The following CADM2 variants were observed in gnomAD, a reference collection of about 807,000 sequenced individuals.
CADM2 encodes cell adhesion molecule 2.
Under a neutral mutation model 49.8 loss-of-function variants are expected in CADM2, and 12 were observed. The observed-to-expected ratio is 0.24, with a 90% CI of 0.15 to 0.39. The LOEUF (loss-of-function observed/expected upper bound fraction) is 0.39. CADM2 is among the 10% of genes least tolerant of loss of function. The pLI is 1.00. For missense variants in CADM2, 378 were observed against 492.3 expected, an observed-to-expected ratio of 0.77 and a Z score of 2.20; for synonymous variants, 214 against 175.4, an observed-to-expected ratio of 1.22 and a Z score of -1.74.
intron 1 of CADM2, among the ~76,000 whole-genome samples, chr3:85,357,484 T>C (rs2031962682): frequency 1.3e-5 from 2 of 152,148 alleles, no homozygotes; most frequent in African/African-American, 4.8e-5. Flanking sequence ...GTACATATTA[T>C]AGCTAGTACT....
chr3:85,459,361 G>T (rs1301063849), intron 1 of CADM2, among the ~76,000 whole-genome samples: 1 of 152,148 alleles, frequency 6.6e-6, no homozygotes, highest in Non-Finnish European at 1.5e-5. Context: ...TTCCCCAGGT[G>T]TGGGTATTTA....
At position 85,079,713 on chromosome 3, in the gene CADM2, A is replaced by T. The variant is rs2037089038; in HGVS notation, c.61+120045A>T. Among the ~76,000 whole-genome samples, 5 of 151,526 alleles carry T rather than the reference A, an allele frequency of 3.3e-5. No individual in the cohort carries two copies. In the South Asian group the frequency reaches 8.3e-4, roughly 25 times the overall value. ...TGATTGATATAATAAATACAAAAATAAAAAAAATTACATAGCAATAGCTTG... is the reference window on the plus strand; with the variant it reads ...TGATTGATATAATAAATACAAAAATTAAAAAAATTACATAGCAATAGCTTG... On this transcript the variant is annotated intron_variant, in intron 1 of 9. Transcript: ENST00000383699.
At chr3:85,383,808 A>T (rs2107365097) in intron 1 of CADM2, among the ~76,000 whole-genome samples, 1 of 151,922 alleles carries the variant, frequency 6.6e-6, no homozygotes, top group African/African-American at 2.4e-5. Flanking sequence ...TTTTGTTTTC[A>T]AAAAAGTTCC....
chr3:86,004,102 AGTG>A (rs1367282656), intron 8 of CADM2, among the ~76,000 whole-genome samples: 1 of 151,992 alleles, frequency 6.6e-6, no homozygotes, highest in East Asian at 1.9e-4. Flanking sequence ...AAAGGAAGAT[AGTG>A]GTTGCTGCAT....
chr3:85,476,416 T>A (rs2038976106), intron 1 of CADM2, among the ~76,000 whole-genome samples: 1 of 151,908 alleles, frequency 6.6e-6, no homozygotes, highest in African/African-American at 2.4e-5. Context: ...TTCTCCATTT[T>A]AAAAAATGAT....
intron 1 of CADM2, among the ~76,000 whole-genome samples, chr3:85,243,989 A>C (rs768559542): frequency 1.8e-4 from 28 of 152,098 alleles, no homozygotes; most frequent in Admixed American, 1.3e-4. Context: ...CAACCCCCAA[A>C]GATTTATAGA....
chr3:85,119,158 A>T (rs1440639534), intron 1 of CADM2, among the ~76,000 whole-genome samples: 3 of 152,138 alleles, frequency 2.0e-5, no homozygotes, highest in African/African-American at 7.2e-5. Flanking sequence ...CACGCCTGTA[A>T]TCCCAACCCT....
At chr3:85,147,913 T>G (rs2039802582) in intron 1 of CADM2, among the ~76,000 whole-genome samples, 1 of 152,192 alleles carries the variant, frequency 6.6e-6, no homozygotes, top group South Asian at 2.1e-4. Flanking sequence ...AATTATAATA[T>G]GTATGTAGTT....
intron 6 of CADM2, among the ~76,000 whole-genome samples, chr3:85,932,433 T>G (rs1395570311): frequency 1.3e-5 from 2 of 152,170 alleles, no homozygotes; most frequent in Non-Finnish European, 2.9e-5. Flanking sequence ...CATGAGTGAT[T>G]GGTAAGTAAA....
At chr3:85,733,889 A>G (rs2068030130) in intron 2 of CADM2, among the ~76,000 whole-genome samples, 2 of 152,118 alleles carry the variant, frequency 1.3e-5, no homozygotes, top group Non-Finnish European at 2.9e-5. Context: ...TGCTTATTCT[A>G]CAGCTTCTGT....
intron 3 of CADM2, chr3:85,805,403 T>G (rs2108093000): frequency 6.6e-6 from 1 of 152,312 alleles, no homozygotes; most frequent in East Asian, 1.9e-4. Context: ...TCAGTTGCAG[T>G]AAAACAACAG....
intron 1 of CADM2, among the ~76,000 whole-genome samples, chr3:85,590,161 A>G (rs1344122842): frequency 6.6e-6 from 1 of 152,000 alleles, no homozygotes; most frequent in African/African-American, 2.4e-5. Context: ...ATCCAGGTTA[A>G]AACACTTTTT....
At chr3:85,520,531 C>T (rs1028690137) in intron 1 of CADM2, among the ~76,000 whole-genome samples, 3 of 151,882 alleles carry the variant, frequency 2.0e-5, no homozygotes, top group Non-Finnish European at 4.4e-5. Flanking sequence ...ATTTGCATTG[C>T]GTCAATGCAT....
intron 3 of CADM2, among the ~76,000 whole-genome samples, chr3:85,836,888 A>G (rs998712501): frequency 4.6e-5 from 7 of 151,640 alleles, no homozygotes; most frequent in African/African-American, 1.7e-4. Flanking sequence ...AAGAACAAAC[A>G]TAGTTCAGAT....
intron 1 of CADM2, among the ~76,000 whole-genome samples, chr3:85,596,995 G>A (rs2063263131): frequency 6.6e-6 from 1 of 152,084 alleles, no homozygotes; most frequent in African/African-American, 2.4e-5. Context: ...GGGATTACAG[G>A]TGTGAGCCAT....
At position 86,074,370 on chromosome 3, in the gene CADM2, C is replaced by T. The variant is rs937071035; in HGVS notation, c.*7587C>T. The T allele has an allele frequency of 2.0e-5, 3 of 151,914 alleles. No individual in the cohort carries two copies. The highest frequency in any genetic ancestry group is 2.9e-5 in the Non-Finnish European group (2 of 67,878). 9.4% of individuals were successfully genotyped at this position (151,914 alleles called of 1,614,324 possible). A position where few individuals can be genotyped will look rare whatever the true frequency, so the allele number is the denominator to read the frequency against. ...TGTACAAGATTTAGTGTCATTGGGTCTCATATTTGTGTTAGACCATGAAAT... is the reference window on the plus strand; with the variant it reads ...TGTACAAGATTTAGTGTCATTGGGTTTCATATTTGTGTTAGACCATGAAAT... On this transcript the variant is annotated 3_prime_UTR_variant, in exon 10 of 10. Coordinates refer to ENST00000383699, the MANE Select transcript of CADM2 (RefSeq NM_001167675.2).
At chr3:85,711,570 G>T (rs1210036917) in intron 1 of CADM2, among the ~76,000 whole-genome samples, 1 of 152,144 alleles carries the variant, frequency 6.6e-6, no homozygotes, top group Admixed American at 6.5e-5. Flanking sequence ...GTTGTTGCTT[G>T]TTGTAGGTTT....
At chr3:85,759,730 C>G (rs1316932891) in intron 2 of CADM2, among the ~76,000 whole-genome samples, 1 of 152,014 alleles carries the variant, frequency 6.6e-6, no homozygotes, top group Non-Finnish European at 1.5e-5. Context: ...GTCACCTGCC[C>G]ACATAAAATT....
At chr3:85,982,809 A>G (rs1195069547) in intron 8 of CADM2, among the ~76,000 whole-genome samples, 3 of 151,698 alleles carry the variant, frequency 2.0e-5, no homozygotes, top group Non-Finnish European at 4.4e-5. Flanking sequence ...AAGGATTCAT[A>G]ATAAGAATAT....
Sources: gnomAD v4.1 joint callset for allele counts (sites outside exome capture counted in the v4.1 genomes callset) on GRCh38, gnomAD v4.1.1 for gene constraint, MANE v1.5 for transcripts, NCBI Gene and HGNC (gene_info 2026-07-23, HGNC 2026-07-21) for gene names.